Variants in SCHIP1 observed in about 807,000 individuals in gnomAD.
The protein encoded by SCHIP1 is schwannomin-interacting protein 1.
SCHIP1 carries 8 observed loss-of-function variants against 29.7 expected under a neutral mutation model. The observed-to-expected ratio is 0.27, with a 90% CI of 0.16 to 0.49. The LOEUF (loss-of-function observed/expected upper bound fraction) is 0.49. Among genes scored for constraint, SCHIP1 ranks in the 20% least tolerant of loss-of-function variants. SCHIP1 has a pLI of 0.99. For synonymous variants in SCHIP1, 76 were observed against 94.9 expected, an observed-to-expected ratio of 0.80 and a Z score of 1.16; for missense variants, 193 against 294.6, an observed-to-expected ratio of 0.66 and a Z score of 2.52.
the SCHIP1 span, among the ~76,000 whole-genome samples, chr3:159,436,634 G>A: frequency 6.6e-6 from 1 of 152,116 alleles, no homozygotes; most frequent in Admixed American, 6.6e-5. Flanking sequence ...GGAGGGTAGA[G>A]TCTATTTAGA....
chr3:159,763,446 G>A, the SCHIP1 span, among the ~76,000 whole-genome samples: 12 of 152,110 alleles, frequency 7.9e-5, no homozygotes, highest in African/African-American at 2.9e-4. Flanking sequence ...TACGGGTGTC[G>A]GCGTGAAAAT....
chr3:159,888,312 T>C (rs191783797), intron 4 of SCHIP1: 303 of 227,128 alleles, frequency 1.3e-3, no homozygotes, highest in African/African-American at 6.7e-3. Flanking sequence ...GGAGTTTAAG[T>C]CTAGCTCTGC....
the SCHIP1 span, among the ~76,000 whole-genome samples, chr3:159,515,477 G>A: frequency 6.6e-6 from 1 of 152,116 alleles, no homozygotes; most frequent in African/African-American, 2.4e-5. Context: ...AGTTTATTTA[G>A]CCAAATTATT....
the SCHIP1 span, among the ~76,000 whole-genome samples, chr3:159,290,117 G>T: frequency 3.9e-5 from 6 of 152,024 alleles, no homozygotes; most frequent in African/African-American, 1.4e-4. Flanking sequence ...TTTAGAATAG[G>T]CTTTCCATCG....
chr3:159,379,782 G>A, the SCHIP1 span, among the ~76,000 whole-genome samples: 1 of 138,564 alleles, frequency 7.2e-6, no homozygotes, highest in East Asian at 2.1e-4. Context: ...GGAAACAGTT[G>A]GGTGGGAAAA....
chr3:159,401,269 CT>C, the SCHIP1 span: 1 of 883,710 alleles, frequency 1.1e-6, no homozygotes, highest in Non-Finnish European at 1.4e-6. Flanking sequence ...CTAGTAAATG[CT>C]GAGCTTGCAT....
chr3:159,500,498 G>A, the SCHIP1 span, among the ~76,000 whole-genome samples: 1 of 152,050 alleles, frequency 6.6e-6, no homozygotes, highest in Non-Finnish European at 1.5e-5. Context: ...CAGATCACGA[G>A]GTCAGGAGAT....
chr3:159,411,818 G>A, the SCHIP1 span, among the ~76,000 whole-genome samples: 4 of 152,088 alleles, frequency 2.6e-5, no homozygotes, highest in Non-Finnish European at 5.9e-5. Flanking sequence ...TCCAAAAGTC[G>A]CTTTGAGTTC....
chr3:159,466,677 T>C, the SCHIP1 span, among the ~76,000 whole-genome samples: 7 of 152,144 alleles, frequency 4.6e-5, no homozygotes, highest in Non-Finnish European at 1.0e-4. Flanking sequence ...TTGTATTTCA[T>C]GGTTTGTCAA....
chr3:159,496,258 T>C, the SCHIP1 span, among the ~76,000 whole-genome samples: 1 of 151,952 alleles, frequency 6.6e-6, no homozygotes, highest in Non-Finnish European at 1.5e-5. Flanking sequence ...ACAAATGGGA[T>C]CTAATTAAAC....
the SCHIP1 span, among the ~76,000 whole-genome samples, chr3:159,763,490 C>A: frequency 6.6e-6 from 1 of 152,176 alleles, no homozygotes; most frequent in South Asian, 2.1e-4. Flanking sequence ...CCCTTGCTAA[C>A]TGGCTGGACC....
At chr3:159,641,359 C>A in the SCHIP1 span, among the ~76,000 whole-genome samples, 1 of 152,042 alleles carries the variant, frequency 6.6e-6, no homozygotes, top group African/African-American at 2.4e-5. Flanking sequence ...TAAAGATTTA[C>A]CTCTGTATGA....
chr3:159,673,168 C>A, the SCHIP1 span, among the ~76,000 whole-genome samples: 4 of 152,196 alleles, frequency 2.6e-5, no homozygotes, highest in South Asian at 8.3e-4. Context: ...AACAATGTTT[C>A]TGTTCTGTTA....
chr3:159,768,145 C>T, the SCHIP1 span, among the ~76,000 whole-genome samples: 1 of 152,044 alleles, frequency 6.6e-6, no homozygotes, highest in Non-Finnish European at 1.5e-5. Context: ...ACTAGTTCCC[C>T]GCCCCCTTTT....
chr3:159,729,044 A>G, the SCHIP1 span, among the ~76,000 whole-genome samples: 1 of 152,126 alleles, frequency 6.6e-6, no homozygotes, highest in African/African-American at 2.4e-5. Context: ...GCTACTTGGG[A>G]GGCTGAGGCA....
chr3:159,753,942 T>C, the SCHIP1 span, among the ~76,000 whole-genome samples: 1 of 152,324 alleles, frequency 6.6e-6, no homozygotes, highest in East Asian at 1.9e-4. Flanking sequence ...CCTCCCCCAG[T>C]GCATGCACTA....
the SCHIP1 span, among the ~76,000 whole-genome samples, chr3:159,667,646 G>A: frequency 1.3e-5 from 2 of 152,006 alleles, no homozygotes; most frequent in African/African-American, 4.8e-5. Flanking sequence ...GGAACACTGA[G>A]TCCAAGAAGT....
the SCHIP1 span, among the ~76,000 whole-genome samples, chr3:159,400,060 G>A: frequency 6.6e-6 from 1 of 152,146 alleles, no homozygotes; most frequent in Non-Finnish European, 1.5e-5. Flanking sequence ...CAATGCTAAC[G>A]GTCTGTGGAC....
At chr3:159,408,400 T>TAAAA in the SCHIP1 span, among the ~76,000 whole-genome samples, 9 of 147,734 alleles carry the variant, frequency 6.1e-5, 1 homozygote, top group African/African-American at 2.2e-4. Flanking sequence ...TTTGCAATGA[T>TAAAA]AAAAAAAAAA....
Sources: gnomAD v4.1 joint callset for allele counts (sites outside exome capture counted in the v4.1 genomes callset) on GRCh38, gnomAD v4.1.1 for gene constraint, MANE v1.5 for transcripts, NCBI Gene and HGNC (gene_info 2026-07-23, HGNC 2026-07-21) for gene names.